RANGAP1: variants seen among roughly 807,000 people sequenced by gnomAD.
RANGAP1 encodes Ran GTPase activating protein 1, also known as ran GTPase-activating protein 1.
Under a neutral mutation model 63.5 loss-of-function variants are expected in RANGAP1, and 38 were observed. The observed-to-expected ratio is 0.60, with a 90% CI of 0.46 to 0.78. The LOEUF (loss-of-function observed/expected upper bound fraction) is 0.78. RANGAP1 is among the 30% of genes least tolerant of loss of function. RANGAP1 has a pLI of 0.00. For synonymous variants in RANGAP1, 329 were observed against 310.5 expected (o/e 1.06, Z -0.63); for missense variants, 630 against 740.3 (o/e 0.85, Z 1.73).
chr22:41,288,357 G>A (rs1428340843), upstream of RANGAP1, among the ~76,000 whole-genome samples: 3 of 152,144 alleles, frequency 2.0e-5, no homozygotes, highest in Non-Finnish European at 4.4e-5. Flanking sequence ...AGCCTGGGAG[G>A]GTCTCCAGAG....
intron 6 of RANGAP1, among the ~76,000 whole-genome samples, chr22:41,258,678 G>A (rs181387997): frequency 2.6e-5 from 4 of 151,482 alleles, no homozygotes; most frequent in East Asian, 1.9e-4. Flanking sequence ...TTTTTGAGAC[G>A]GAGTCTCGTT....
chr22:41,271,127 C>T (rs917623076), intron 3 of RANGAP1, among the ~76,000 whole-genome samples: 3 of 151,804 alleles, frequency 2.0e-5, no homozygotes, highest in South Asian at 2.1e-4. Context: ...CATTGGCTCA[C>T]GCCGATAATT....
At chr22:41,293,106 G>C in the RANGAP1 span, among the ~76,000 whole-genome samples, 1 of 151,792 alleles carries the variant, frequency 6.6e-6, no homozygotes, top group African/African-American at 2.4e-5. Context: ...GTGTTGGCGG[G>C]CGCCTGTAGT....
Position 41,256,245 on chromosome 22 carries a change from C to T in RANGAP1, c.934G>A (p.Ala312Thr), listed in dbSNP as rs892084136. 6.2e-7 allele frequency: 1 copy of T among 1,614,040 alleles called. No homozygotes were observed. The highest frequency in any genetic ancestry group is 8.5e-7 in the Non-Finnish European group (1 of 1,180,034). Residue 312 changes from alanine (A) to threonine (T), a missense_variant, in exon 9 of 16, where the codon GCT becomes ACT. Ala to Thr is a moderately conservative substitution (Grantham distance 58). Coordinates refer to ENST00000356244, the MANE Select transcript of RANGAP1 (RefSeq NM_002883.4). ...TTGTCTGCCATGGCCTCAGCAACAGCCAGGGCAGCATCCCTCTTGATTTCA... is the reference window on the plus strand; with the variant it reads ...TTGTCTGCCATGGCCTCAGCAACAGTCAGGGCAGCATCCCTCTTGATTTCA... ...FCEIKRDAAL[A>T]VAEAMADKAE...
intron 2 of RANGAP1, among the ~76,000 whole-genome samples, chr22:41,277,306 C>T (rs2035214357): frequency 6.6e-6 from 1 of 151,964 alleles, no homozygotes; most frequent in Admixed American, 6.6e-5. Flanking sequence ...TCTCGATCTC[C>T]TGACCTCGTG....
intron 5 of RANGAP1, among the ~76,000 whole-genome samples, chr22:41,261,817 G>C (rs1290742991): frequency 6.6e-6 from 1 of 152,190 alleles, no homozygotes; most frequent in Non-Finnish European, 1.5e-5. Flanking sequence ...CTTCACTTTC[G>C]AGACGGGGAG....
In RANGAP1 at chr22:41,274,668, C is replaced by A. The variant is rs1214965025; in HGVS notation, c.172G>T (p.Gly58Cys). Residue 58 changes from glycine to cysteine, a missense_variant, in exon 3 of 16, where the codon GGC becomes TGC. By Grantham distance (159) the Gly-to-Cys change is radical (BLOSUM62 -3). Transcript: ENST00000356244. ...GCTGCTTCCACGCCCACTGTGTTGC[C>A]TTCCAGACGCAGAGCCTCCAAGCTG... ...FDSLEALRLE[G>C]NTVGVEAARV... is the part of the protein sequence containing the mutation. 2 of 1,614,192 alleles carry A rather than the reference C, an allele frequency of 1.2e-6. No individual in the cohort carries two copies. Among genetic ancestry groups the A allele is most frequent in the Non-Finnish European group, 1.7e-6 (2 of 1,180,036 alleles).
chr22:41,295,388 T>G, the RANGAP1 span, among the ~76,000 whole-genome samples: 3 of 152,000 alleles, frequency 2.0e-5, no homozygotes, highest in African/African-American at 7.2e-5. Context: ...CCTGTTGATC[T>G]GTGACCTTAC....
upstream of RANGAP1, among the ~76,000 whole-genome samples, chr22:41,289,659 C>G (rs1760975991): frequency 6.6e-6 from 1 of 152,118 alleles, no homozygotes; most frequent in Non-Finnish European, 1.5e-5. Flanking sequence ...AAGCAACACA[C>G]TTATCTTCTC....
chr22:41,278,763 G>A (rs2035304930), intron 2 of RANGAP1, among the ~76,000 whole-genome samples: 4 of 152,228 alleles, frequency 2.6e-5, no homozygotes, highest in Admixed American at 2.6e-4. Flanking sequence ...TGATAAACGA[G>A]GTCAAAGTGG....
intron 11 of RANGAP1, among the ~76,000 whole-genome samples, chr22:41,253,322 G>T (rs117476274): frequency 6.6e-6 from 1 of 152,218 alleles, no homozygotes; most frequent in South Asian, 2.1e-4. Flanking sequence ...GCTAAAGTGG[G>T]TCCCCGTAGA....
intron 2 of RANGAP1, chr22:41,280,731 A>C (rs1464171614): frequency 6.6e-7 from 1 of 1,513,046 alleles, no homozygotes; most frequent in East Asian, 2.6e-5. Flanking sequence ...TGCCCAATAC[A>C]AACATGGAAA....
intron 5 of RANGAP1, 34 bp from the exon 6 acceptor site, chr22:41,261,614 C>T (rs776625225): frequency 1.5e-5 from 24 of 1,613,752 alleles, no homozygotes; most frequent in Non-Finnish European, 1.9e-5. Context: ...TGGTCATGGG[C>T]AGGAGCCCCT....
At position 41,245,478 on chromosome 22, in the gene RANGAP1, G is replaced by A. The variant is rs2032967834; in HGVS notation, c.*1125C>T. The A allele has an allele frequency of 6.6e-6, 1 of 152,348 alleles. No individual in the cohort carries two copies. The highest frequency in any genetic ancestry group is 2.1e-4 in the South Asian group (1 of 4,834). The allele number at this position is 152,348 out of a possible 1,614,324, so 9.4% of individuals were successfully genotyped here. On this transcript the variant is annotated 3_prime_UTR_variant, in exon 16 of 16. Transcript: ENST00000356244. ...TGCCACTTCCCAGGTAGTGGCCTGA[G>A]GCCGAGGCCGGGCCCTTCTGCAGGG...
At chr22:41,280,633 A>G (rs2035442609) in intron 2 of RANGAP1, 2 of 1,292,770 alleles carry the variant, frequency 1.5e-6, no homozygotes, top group African/African-American at 3.0e-5. Context: ...AGTCAGAGTC[A>G]GAGGCTGTAT....
the RANGAP1 span, chr22:41,301,624 G>C: frequency 6.6e-6 from 1 of 152,138 alleles, no homozygotes; most frequent in Non-Finnish European, 1.5e-5. Context: ...CTGCCGGGGC[G>C]GCGGCGCCGG....
intron 6 of RANGAP1, among the ~76,000 whole-genome samples, chr22:41,259,506 G>A (rs2034039054): frequency 6.6e-6 from 1 of 152,128 alleles, no homozygotes; most frequent in Non-Finnish European, 1.5e-5. Context: ...AAAACATTTA[G>A]GAAAAAACTC....
intron 10 of RANGAP1, among the ~76,000 whole-genome samples, chr22:41,255,354 G>T (rs1320491714): frequency 6.6e-6 from 1 of 152,154 alleles, no homozygotes; most frequent in Non-Finnish European, 1.5e-5. Context: ...ACTTGGAGAT[G>T]CGAGGGGCAC....
At chr22:41,298,558 G>A in the RANGAP1 span, among the ~76,000 whole-genome samples, 83 of 151,716 alleles carry the variant, frequency 5.5e-4, 1 homozygote, top group Non-Finnish European at 6.9e-4. Context: ...CAGGTGATCC[G>A]CCCACCTTGG....
Sources: allele counts gnomAD v4.1 joint callset (sites outside exome capture counted in the v4.1 genomes callset), GRCh38; gene constraint gnomAD v4.1.1; transcripts MANE v1.5; gene names NCBI Gene and HGNC (gene_info 2026-07-23, HGNC 2026-07-21).